Variants in FBXO10 observed in about 807,000 individuals in gnomAD.
The protein encoded by FBXO10 is F-box only protein 10.
Under a neutral mutation model 80.7 loss-of-function variants are expected in FBXO10, and 39 were observed. The observed-to-expected ratio is 0.48, with a 90% CI of 0.37 to 0.63. The LOEUF (loss-of-function observed/expected upper bound fraction) is 0.63, where lower values mean the gene tolerates loss of function less well. Among genes scored for constraint, FBXO10 ranks in the 30% least tolerant of loss-of-function variants. FBXO10 has a pLI of 0.00. For missense variants in FBXO10, 1,025 were observed against 1,269.0 expected, an observed-to-expected ratio of 0.81 and a Z score of 2.92; for synonymous variants, 449 against 489.6, an observed-to-expected ratio of 0.92 and a Z score of 1.09.
chr9:37,561,413 C>T (rs547854740), intron 1 of FBXO10, among the ~76,000 whole-genome samples: 1 of 152,230 alleles, frequency 6.6e-6, no homozygotes, highest in Non-Finnish European at 1.5e-5. Flanking sequence ...TCCTAACCTC[C>T]CACTGGAGGT....
chr9:37,571,686 TCA>T (rs1322496170), intron 1 of FBXO10, among the ~76,000 whole-genome samples: 3 of 135,156 alleles, frequency 2.2e-5, no homozygotes, highest in Non-Finnish European at 4.6e-5. Flanking sequence ...ATCGAAGATA[TCA>T]CCATTTAAGA....
At chr9:37,563,721 G>T (rs540885000) in intron 1 of FBXO10, among the ~76,000 whole-genome samples, 14 of 152,266 alleles carry the variant, frequency 9.2e-5, no homozygotes, top group African/African-American at 3.1e-4. Flanking sequence ...AATGATTCAG[G>T]GTATCTGGCA....
chr9:37,530,354 C>T (rs1821588043), intron 4 of FBXO10, among the ~76,000 whole-genome samples: 2 of 152,176 alleles, frequency 1.3e-5, no homozygotes. Context: ...TAAGAGAAGT[C>T]CCGCACAGGG....
At chr9:37,549,818 T>C (rs930207728) in intron 1 of FBXO10, among the ~76,000 whole-genome samples, 1 of 152,208 alleles carries the variant, frequency 6.6e-6, no homozygotes, top group African/African-American at 2.4e-5. Context: ...TCAACCCCTT[T>C]AGCAATACTA....
At chr9:37,550,171 T>A (rs1307269918) in intron 1 of FBXO10, among the ~76,000 whole-genome samples, 1 of 54,124 alleles carries the variant, frequency 1.8e-5, no homozygotes, top group Non-Finnish European at 3.5e-5. Flanking sequence ...CGTCTCAGGT[T>A]TTTTTTTTTT....
chr9:37,520,073 G>C (rs1017293068), intron 8 of FBXO10, among the ~76,000 whole-genome samples: 4 of 151,862 alleles, frequency 2.6e-5, no homozygotes, highest in Admixed American at 6.6e-5. Flanking sequence ...AAACTCAAGC[G>C]ATCCTCCTGC....
intron 4 of FBXO10, among the ~76,000 whole-genome samples, chr9:37,530,405 C>T (rs965412794): frequency 2.6e-5 from 4 of 152,192 alleles, no homozygotes; most frequent in African/African-American, 9.7e-5. Context: ...CATTTCCATC[C>T]CTACACCCTT....
intron 1 of FBXO10, among the ~76,000 whole-genome samples, chr9:37,572,468 C>G (rs1426708938): frequency 6.6e-6 from 1 of 152,150 alleles, no homozygotes; most frequent in Non-Finnish European, 1.5e-5. Flanking sequence ...GTGACACAGC[C>G]ATACCATGAA....
intron 1 of FBXO10, among the ~76,000 whole-genome samples, chr9:37,569,541 C>T (rs1351643723): frequency 6.6e-6 from 1 of 151,366 alleles, no homozygotes; most frequent in African/African-American, 2.4e-5. Context: ...CAAACTTGAT[C>T]TAATGGCATT....
At chr9:37,520,025 A>G (rs1564333413) in intron 8 of FBXO10, among the ~76,000 whole-genome samples, 1 of 151,870 alleles carries the variant, frequency 6.6e-6, no homozygotes, top group Non-Finnish European at 1.5e-5. Flanking sequence ...GTAGAGATTG[A>G]GGTCTCTCTA....
At chr9:37,558,232 AG>A (rs1822384700) in intron 1 of FBXO10, among the ~76,000 whole-genome samples, 1 of 152,236 alleles carries the variant, frequency 6.6e-6, no homozygotes, top group Non-Finnish European at 1.5e-5. Context: ...ACCACCTTCC[AG>A]GTGAGAGGCT....
In FBXO10 at chr9:37,541,599, T is replaced by C; in HGVS notation, c.170A>G (p.His57Arg). 6.2e-7 allele frequency: 1 copy of C among 1,613,836 alleles called. No individual in the cohort carries two copies. Among genetic ancestry groups the C allele is most frequent in the Non-Finnish European group, 8.5e-7 (1 of 1,179,810 alleles). The change falls in exon 2 of 11, where the codon CAT becomes CGT. Residue 57 changes from histidine (H) to arginine (R), a missense_variant. Transcript: ENST00000432825. Reference protein sequence around the residue: ...QLCLGCTECRHPNWPNQPDVE... With the variant: ...QLCLGCTECRRPNWPNQPDVE... ...ATCTGGCTGGTTGGGCCAATTGGGA[T>C]GGCGGCACTCGGTGCAACCCAGACA...
intron 1 of FBXO10, among the ~76,000 whole-genome samples, chr9:37,563,371 G>T (rs911961313): frequency 5.9e-5 from 9 of 152,276 alleles, no homozygotes; most frequent in Non-Finnish European, 8.8e-5. Flanking sequence ...TACCTGAAAT[G>T]TGGAAGCGAC....
chr9:37,572,037 T>C (rs1822773129), intron 1 of FBXO10, among the ~76,000 whole-genome samples: 2 of 151,910 alleles, frequency 1.3e-5, no homozygotes, highest in South Asian at 4.2e-4. Context: ...GAGAGATCTC[T>C]TGAGCCTAGG....
intron 6 of FBXO10, among the ~76,000 whole-genome samples, chr9:37,523,829 A>G (rs1458671564): frequency 6.6e-6 from 1 of 152,208 alleles, no homozygotes; most frequent in Non-Finnish European, 1.5e-5. Context: ...AGGCAGAAGA[A>G]TCACTTGAAC....
intron 2 of FBXO10, among the ~76,000 whole-genome samples, chr9:37,538,542 C>T (rs1821835342): frequency 6.6e-6 from 1 of 151,876 alleles, no homozygotes; most frequent in Non-Finnish European, 1.5e-5. Flanking sequence ...ACCTCATCTC[C>T]ACTAAAAATA....
intron 5 of FBXO10, among the ~76,000 whole-genome samples, chr9:37,527,446 C>T (rs547855421): frequency 6.6e-6 from 1 of 152,208 alleles, no homozygotes; most frequent in Non-Finnish European, 1.5e-5. Context: ...TCCAAACACA[C>T]CACATTTCTC....
intron 1 of FBXO10, among the ~76,000 whole-genome samples, chr9:37,572,316 T>C (rs116966398): frequency 1.9e-3 from 296 of 152,278 alleles, no homozygotes; most frequent in Middle Eastern, 3.4e-3. Context: ...TTCGACACTA[T>C]CTAGTAAAGC....
intron 1 of FBXO10, among the ~76,000 whole-genome samples, chr9:37,545,960 A>G (rs1376894369): frequency 6.6e-6 from 1 of 152,090 alleles, no homozygotes; most frequent in African/African-American, 2.4e-5. Context: ...CAGCCTCACC[A>G]ACATGGTGAA....
Sources: allele counts gnomAD v4.1 joint callset (sites outside exome capture counted in the v4.1 genomes callset), GRCh38; gene constraint gnomAD v4.1.1; transcripts MANE v1.5; gene names NCBI Gene and HGNC (gene_info 2026-07-23, HGNC 2026-07-21).